The following LCN12 variants were observed in gnomAD, a reference collection of about 807,000 sequenced individuals.
The protein encoded by LCN12 is lipocalin 12.
A neutral mutation model predicts 23.7 loss-of-function variants in LCN12; 15 were observed. The ratio of observed to expected loss-of-function variants is 0.63; its 90% CI spans 0.42 to 0.97. The LOEUF is 0.97. Among genes scored for constraint, LCN12 ranks in the 50% least tolerant of loss-of-function variants. The pLI is 0.00. For synonymous variants in LCN12, 116 were observed against 111.5 expected, an observed-to-expected ratio of 1.04 and a Z score of -0.25; for missense variants, 219 against 249.6, an observed-to-expected ratio of 0.88 and a Z score of 0.83.
chr9:136,953,209 G>A (rs1851208899), intron 2 of LCN12, 181 bp downstream of exon 2: 1 of 767,542 alleles, frequency 1.3e-6, no homozygotes, highest in Admixed American at 2.6e-5. Flanking sequence ...TGGGCGCGCT[G>A]GCTCACACCT....
At chr9:136,954,916 GCACA>G in intron 5 of LCN12, 5 of 1,230,114 alleles carry the variant, frequency 4.1e-6, no homozygotes, top group Non-Finnish European at 5.2e-6. Context: ...ATAACCACAT[GCACA>G]CACACTCACG....
chr9:136,954,857 G>A, intron 5 of LCN12: 2 of 1,251,594 alleles, frequency 1.6e-6, no homozygotes, highest in Non-Finnish European at 2.1e-6. Context: ...TTCCTGGAGG[G>A]ATGCCCACCG....
In LCN12 at chr9:136,952,850, A is replaced by G. The variant is rs201357568; in HGVS notation, c.115-42A>G. 19 of 1,590,148 alleles carry G rather than the reference A, an allele frequency of 1.2e-5. No individual in the cohort carries two copies. The South Asian group carries it at 1.2e-4, about 10-fold the overall frequency. ...GGGGCTCCTGACCCTGCCCACTGCCACCCCTGCCCACCGCCGCCCCTGCCC... is the reference window on the plus strand; with the variant it reads ...GGGGCTCCTGACCCTGCCCACTGCCGCCCCTGCCCACCGCCGCCCCTGCCC... On this transcript the variant is annotated intron_variant, in intron 1 of 5. Coordinates refer to ENST00000371633, the MANE Select transcript of LCN12 (RefSeq NM_178536.4).
intron 5 of LCN12, 28 bp downstream of exon 5, chr9:136,954,283 G>A (rs758749487): frequency 6.4e-7 from 1 of 1,553,788 alleles, no homozygotes; most frequent in Non-Finnish European, 8.7e-7. Flanking sequence ...CAGGCATGCT[G>A]GGCAGTAGGC....
intron 5 of LCN12, chr9:136,954,633 C>A: frequency 9.9e-7 from 1 of 1,012,732 alleles, no homozygotes. Context: ...GGTCCCCTGT[C>A]CCGGGCCATC....
In LCN12 at chr9:136,952,305, C is replaced by T. The variant is rs1403899514; in HGVS notation, c.-23C>T. On this transcript the variant is annotated 5_prime_UTR_variant, in exon 1 of 6. Transcript: ENST00000371633. ...CATGGCCACTTCCTTCTCTCTGTCCCTGTGGGCCCAGCAGCTGCCAGGATG... is the reference window on the plus strand; with the variant it reads ...CATGGCCACTTCCTTCTCTCTGTCCTTGTGGGCCCAGCAGCTGCCAGGATG... 15 of 1,560,994 alleles carry T rather than the reference C, an allele frequency of 9.6e-6. No individual in the cohort carries two copies. The highest frequency in any genetic ancestry group is 3.5e-5 in the Admixed American group (2 of 57,620).
At chr9:136,953,208 T>G in intron 2 of LCN12, 180 bp downstream of exon 2, 1 of 772,890 alleles carries the variant, frequency 1.3e-6, no homozygotes, top group Non-Finnish European at 2.1e-6. Flanking sequence ...CTGGGCGCGC[T>G]GGCTCACACC....
At chr9:136,955,026 G>A (rs1191440269) in intron 5 of LCN12, 3 of 1,380,706 alleles carry the variant, frequency 2.2e-6, no homozygotes, top group Non-Finnish European at 2.8e-6. Flanking sequence ...GTCTACCCGT[G>A]CACAGGCACA....
chr9:136,952,270 G>T, upstream of LCN12: 1 of 1,280,026 alleles, frequency 7.8e-7, no homozygotes, highest in Non-Finnish European at 1.1e-6. Flanking sequence ...GGGTCTCTGG[G>T]TCACCTGCCC....
chr9:136,952,125 G>T (rs1851167447), upstream of LCN12, among the ~76,000 whole-genome samples: 1 of 152,026 alleles, frequency 6.6e-6, no homozygotes, highest in Non-Finnish European at 1.5e-5. Flanking sequence ...GAGACCGCAG[G>T]TGGGTGGGTG....
downstream of LCN12, among the ~76,000 whole-genome samples, chr9:136,956,063 G>GC (rs1449367888): frequency 6.6e-6 from 1 of 152,058 alleles, no homozygotes; most frequent in Admixed American, 6.5e-5. Flanking sequence ...CCCAGCCTGA[G>GC]CCCCCCAACC....
At chr9:136,954,095 A>AACCAGCC in intron 4 of LCN12, 59 bp from the exon 5 acceptor site, 1 of 1,514,840 alleles carries the variant, frequency 6.6e-7, no homozygotes, top group Non-Finnish European at 8.9e-7. Context: ...TCTCCCACCT[A>AACCAGCC]CCCAGCCCCC....
In LCN12 at chr9:136,954,512, G is replaced by A. The variant is rs553358962; in HGVS notation, c.550+257G>A. 4.6e-4 allele frequency: 239 copies of A among 520,788 alleles called. 2 individuals carry two copies. The highest frequency in any genetic ancestry group is 4.3e-3 in the African/African-American group (205 of 47,938). 32.3% of individuals were successfully genotyped at this position (520,788 alleles called of 1,614,324 possible). A position where few individuals can be genotyped will look rare whatever the true frequency, so the allele number is the denominator to read the frequency against. The stretch of plus-strand genomic sequence containing the variant: ...TCCCGGGCCACCTCCTCCCGCCCCA[G>A]GTCCCCTGTCCCGGGCCACCTCCCC... On this transcript the variant is annotated intron_variant, in intron 5 of 5. Coordinates refer to ENST00000371633, the MANE Select transcript of LCN12 (RefSeq NM_178536.4).
upstream of LCN12, among the ~76,000 whole-genome samples, chr9:136,950,143 C>T (rs1483032445): frequency 6.6e-6 from 1 of 152,244 alleles, no homozygotes; most frequent in African/African-American, 2.4e-5. Flanking sequence ...GCGGAGGTCA[C>T]GTGCCCACCC....
rs746998422 is a variant in LCN12 at position 136,955,361 on chromosome 9, C to T, written c.551-10C>T. The T allele has an allele frequency of 2.5e-6, 4 of 1,613,060 alleles. No homozygotes were observed. The highest frequency in any genetic ancestry group is 1.7e-5 in the Admixed American group (1 of 59,986). On this transcript the variant is annotated splice_polypyrimidine_tract_variant and intron_variant, in intron 5 of 5. Transcript: ENST00000371633. ...TTTGTCCTCCATCCCGACTCCATCT[C>T]CCCCACCAGGCTGGTCACCCCAGGC...
upstream of LCN12, chr9:136,952,271 T>A (rs1851171716): frequency 3.9e-6 from 5 of 1,283,898 alleles, no homozygotes; most frequent in African/African-American, 1.5e-5. Context: ...GGTCTCTGGG[T>A]CACCTGCCCA....
chr9:136,953,558 A>G (rs1324578991), intron 2 of LCN12, 142 bp from the exon 3 acceptor site: 12 of 608,892 alleles, frequency 2.0e-5, no homozygotes. Context: ...CAACATAGTT[A>G]GACACCATCT....
chr9:136,953,038 T>C lies in LCN12; in HGVS notation c.251+10T>C. ...GGAATGCGATGACTCGGTGAGTGGC[T>C]GTCCCTGCCGTTCCAAGCGGGTGAG... On this transcript the variant is annotated intron_variant, in intron 2 of 5. Coordinates refer to ENST00000371633, the MANE Select transcript of LCN12 (RefSeq NM_178536.4). 6.2e-7 allele frequency: 1 copy of C among 1,612,480 alleles called. No individual in the cohort carries two copies. The highest frequency in any genetic ancestry group is 8.5e-7 in the Non-Finnish European group (1 of 1,179,654).
downstream of LCN12, among the ~76,000 whole-genome samples, chr9:136,955,652 G>C (rs1451242003): frequency 6.6e-6 from 1 of 152,200 alleles, no homozygotes; most frequent in Non-Finnish European, 1.5e-5. Flanking sequence ...TGTCAGTGAG[G>C]GCATGCACAT....
Sources: allele counts gnomAD v4.1 joint callset (sites outside exome capture counted in the v4.1 genomes callset), GRCh38; gene constraint gnomAD v4.1.1; transcripts MANE v1.5; gene names NCBI Gene and HGNC (gene_info 2026-07-23, HGNC 2026-07-21).